Variants in CCDC85A observed in about 807,000 individuals in gnomAD.
CCDC85A encodes coiled-coil domain containing 85A.
In CCDC85A, 38 loss-of-function variants were observed where a neutral mutation model predicts 50.2. The ratio of observed to expected loss-of-function variants is 0.76; its 90% CI spans 0.58 to 0.99. CCDC85A has a LOEUF of 0.99. CCDC85A is among the 50% of genes least tolerant of loss of function. CCDC85A has a pLI of 0.00. For missense variants in CCDC85A, 820 were observed against 742.0 expected (o/e 1.11, Z -1.22); for synonymous variants, 366 against 301.4 (o/e 1.21, Z -2.22).
intron 2 of CCDC85A, among the ~76,000 whole-genome samples, chr2:56,229,799 CAGAA>C (rs2103933135): frequency 6.6e-6 from 1 of 152,170 alleles, no homozygotes; most frequent in African/African-American, 2.4e-5. Flanking sequence ...ACAAATTAGT[CAGAA>C]AGAGCCTACC....
At chr2:56,333,479 G>A (rs1409126883) in intron 2 of CCDC85A, among the ~76,000 whole-genome samples, 1 of 152,168 alleles carries the variant, frequency 6.6e-6, no homozygotes, top group East Asian at 1.9e-4. Flanking sequence ...GGGCCCTGAT[G>A]GACTTTTTAA....
intron 2 of CCDC85A, among the ~76,000 whole-genome samples, chr2:56,287,945 G>C (rs1464846605): frequency 1.3e-5 from 2 of 152,070 alleles, no homozygotes; most frequent in Non-Finnish European, 2.9e-5. Context: ...CTTCCACAGA[G>C]AGCTGCCATA....
At chr2:56,194,236 G>A (rs745410353) in intron 2 of CCDC85A, among the ~76,000 whole-genome samples, 5 of 152,156 alleles carry the variant, frequency 3.3e-5, no homozygotes, top group East Asian at 1.9e-4. Flanking sequence ...AAAGCATAAC[G>A]TCCACTACAT....
At chr2:56,247,054 T>G (rs1185711685) in intron 2 of CCDC85A, among the ~76,000 whole-genome samples, 1 of 152,200 alleles carries the variant, frequency 6.6e-6, no homozygotes, top group Non-Finnish European at 1.5e-5. Context: ...ATTATGAAGA[T>G]TCAGATGTTT....
intron 3 of CCDC85A, among the ~76,000 whole-genome samples, chr2:56,350,322 G>C (rs191607809): frequency 6.6e-6 from 1 of 151,996 alleles, no homozygotes; most frequent in Non-Finnish European, 1.5e-5. Context: ...TATAATCCCA[G>C]CACTTTGGGA....
chr2:56,233,691 G>T (rs1294101392), intron 2 of CCDC85A, among the ~76,000 whole-genome samples: 1 of 152,200 alleles, frequency 6.6e-6, no homozygotes, highest in South Asian at 2.1e-4. Flanking sequence ...CTGTTGTTTG[G>T]TGACTCCCGC....
At chr2:56,230,116 A>C (rs1024060727) in intron 2 of CCDC85A, among the ~76,000 whole-genome samples, 2 of 152,226 alleles carry the variant, frequency 1.3e-5, no homozygotes, top group Admixed American at 6.5e-5. Flanking sequence ...GGCAACATCA[A>C]GCCCAGCATA....
chr2:56,357,168 T>C (rs906717443), intron 3 of CCDC85A, among the ~76,000 whole-genome samples: 8 of 152,070 alleles, frequency 5.3e-5, no homozygotes, highest in Non-Finnish European at 7.4e-5. Flanking sequence ...ATTGATTTTA[T>C]TGTAGAGGAT....
chr2:56,212,638 A>G (rs1018678220), intron 2 of CCDC85A, among the ~76,000 whole-genome samples: 2 of 152,032 alleles, frequency 1.3e-5, no homozygotes, highest in African/African-American at 4.8e-5. Context: ...CTTAAATACA[A>G]TCCTCATTGG....
At chr2:56,281,279 T>A (rs924207566) in intron 2 of CCDC85A, among the ~76,000 whole-genome samples, 5 of 152,204 alleles carry the variant, frequency 3.3e-5, no homozygotes, top group Non-Finnish European at 7.4e-5. Context: ...GTTCATTTTT[T>A]AAAAAATATT....
chr2:56,356,938 G>A (rs1450888859), intron 3 of CCDC85A, among the ~76,000 whole-genome samples: 1 of 151,736 alleles, frequency 6.6e-6, no homozygotes, highest in Non-Finnish European at 1.5e-5. Context: ...AGTAGGCCAG[G>A]CGTGGTGGTG....
chr2:56,366,064 C>G (rs576994056), intron 3 of CCDC85A, among the ~76,000 whole-genome samples: 64 of 152,228 alleles, frequency 4.2e-4, no homozygotes, highest in Non-Finnish European at 8.7e-4. Flanking sequence ...CCAGGTTCAT[C>G]CACGTTGTGA....
Position 56,343,780 on chromosome 2 carries a change from C to T in CCDC85A, c.1317+825C>T, listed in dbSNP as rs143348796. 3.2e-3 allele frequency among the ~76,000 whole-genome samples: 491 copies of T among 152,150 alleles called. 3 individuals are homozygous for T. Among genetic ancestry groups the T allele is most frequent in the African/African-American group, 0.011 (467 of 41,506 alleles). ...GTAATTATTTCTGTTTCATAAATGA[C>T]TAAGGCAAAATTATACCTCAAACAA... On this transcript the variant is annotated intron_variant, in intron 3 of 5. Coordinates refer to ENST00000407595, the MANE Select transcript of CCDC85A (RefSeq NM_001080433.2).
At chr2:56,371,011 G>A (rs914537145) in intron 3 of CCDC85A, among the ~76,000 whole-genome samples, 4 of 152,044 alleles carry the variant, frequency 2.6e-5, no homozygotes, top group Admixed American at 1.3e-4. Context: ...GTATTAAGCT[G>A]TGAATCATGT....
chr2:56,190,546 T>C (rs1015150577), intron 1 of CCDC85A, among the ~76,000 whole-genome samples: 6 of 152,182 alleles, frequency 3.9e-5, no homozygotes, highest in African/African-American at 9.7e-5. Context: ...TGGTAGACCA[T>C]AGATTGGGGG....
intron 3 of CCDC85A, among the ~76,000 whole-genome samples, chr2:56,347,012 A>T (rs1674662655): frequency 6.6e-6 from 1 of 152,216 alleles, no homozygotes; most frequent in South Asian, 2.1e-4. Context: ...AGTGAGATGG[A>T]GTCACTCTGA....
chr2:56,374,377 A>G (rs556071206), intron 4 of CCDC85A, among the ~76,000 whole-genome samples: 1 of 152,354 alleles, frequency 6.6e-6, no homozygotes, highest in South Asian at 2.1e-4. Context: ...AATCTTCCAA[A>G]TTGCAAAAAT....
At chr2:56,329,953 T>G (rs1332632904) in intron 2 of CCDC85A, among the ~76,000 whole-genome samples, 5 of 84,518 alleles carry the variant, frequency 5.9e-5, no homozygotes, top group Non-Finnish European at 1.1e-4. Flanking sequence ...CTGTTTTTTT[T>G]TTTTTTTTTT....
rs557595791 is a variant in CCDC85A at position 56,356,075 on chromosome 2, A to G, written c.1317+13120A>G. 8.2e-4 allele frequency among the ~76,000 whole-genome samples: 125 copies of G among 152,338 alleles called. 2 individuals are homozygous for G. Among genetic ancestry groups the G allele is most frequent in the African/African-American group, 2.5e-3 (103 of 41,578 alleles). ...GCATTTTCATATGTGATGAAATTTA[A>G]TATCTATAACTACAGAAATCTCATA... On this transcript the variant is annotated intron_variant, in intron 3 of 5. Transcript: ENST00000407595.
Sources: allele counts gnomAD v4.1 joint callset (sites outside exome capture counted in the v4.1 genomes callset), GRCh38; gene constraint gnomAD v4.1.1; transcripts MANE v1.5; gene names NCBI Gene and HGNC (gene_info 2026-07-23, HGNC 2026-07-21).